Variants in PCDHA2 observed in about 807,000 individuals in gnomAD.
PCDHA2 encodes protocadherin alpha-2.
Under a neutral mutation model 66.0 loss-of-function variants are expected in PCDHA2, and 58 were observed. The observed-to-expected ratio is 0.88, with a 90% CI of 0.71 to 1.09. The LOEUF (loss-of-function observed/expected upper bound fraction) is 1.09. Among genes scored for constraint, PCDHA2 ranks in the 50% least tolerant of loss-of-function variants. PCDHA2 has a pLI of 0.00. For synonymous variants in PCDHA2, 634 were observed against 554.0 expected, an observed-to-expected ratio of 1.14 and a Z score of -2.03; for missense variants, 1,267 against 1,242.3, an observed-to-expected ratio of 1.02 and a Z score of -0.30.
At chr5:141,003,668 A>G (rs1353003376) in intron 3 of PCDHA2, among the ~76,000 whole-genome samples, 1 of 152,196 alleles carries the variant, frequency 6.6e-6, no homozygotes, top group Non-Finnish European at 1.5e-5. Context: ...ATTAAAATAT[A>G]TGTTGTTCTG....
chr5:140,803,700 A>G, intron 1 of PCDHA2: 1 of 1,533,366 alleles, frequency 6.5e-7, no homozygotes. Context: ...TGTGATTCAT[A>G]ATTAGACTTT....
At chr5:140,860,133 G>GTATATATATGTATATATGTGTA (rs2046204026) in intron 1 of PCDHA2, 2 of 149,192 alleles carry the variant, frequency 1.3e-5, no homozygotes, top group African/African-American at 2.5e-5. Context: ...GTGTGTGTGT[G>GTATATATATGTATATATGTGTA]TATATATATG....
chr5:140,800,524 T>A (rs1762566328), intron 1 of PCDHA2, among the ~76,000 whole-genome samples: 1 of 152,230 alleles, frequency 6.6e-6, no homozygotes. Flanking sequence ...GTTTTGATGA[T>A]CATAAATCTG....
At position 140,828,273 on chromosome 5, in the gene PCDHA2, C is replaced by T. The variant is rs2150153408; in HGVS notation, c.2388+30921C>T. ...GGGCTGGAGCTGGCGGAGCTGGTGC[C>T]GCGCCTGTTCAGGATGGCCTCCAAA... On this transcript the variant is annotated intron_variant, in intron 1 of 3. Transcript: ENST00000526136. The T allele has an allele frequency of 1.2e-5, 19 of 1,614,048 alleles. No individual in the cohort carries two copies. The highest frequency in any genetic ancestry group is 1.7e-5 in the Admixed American group (1 of 60,030).
At chr5:140,922,144 A>C (rs906517842) in intron 1 of PCDHA2, among the ~76,000 whole-genome samples, 5 of 151,922 alleles carry the variant, frequency 3.3e-5, no homozygotes, top group African/African-American at 1.2e-4. Flanking sequence ...TCCTCCATGA[A>C]ACTCATCAAA....
At chr5:140,841,710 C>T (rs574481490) in intron 1 of PCDHA2, 1 of 1,613,856 alleles carries the variant, frequency 6.2e-7, no homozygotes, top group South Asian at 1.1e-5. Context: ...AATGACAACC[C>T]GCCAGTGTTC....
chr5:140,805,031 A>G, intron 1 of PCDHA2: 1 of 1,582,450 alleles, frequency 6.3e-7, no homozygotes, highest in Non-Finnish European at 8.5e-7. Context: ...TGAATATAAT[A>G]GAGTCAGCCA....
chr5:140,848,637 A>G, intron 1 of PCDHA2: 1 of 1,593,240 alleles, frequency 6.3e-7, no homozygotes, highest in Non-Finnish European at 8.6e-7. Context: ...CGTGGGCCGC[A>G]TCGCGCAGGA....
chr5:140,830,476 TG>T (rs2150187075), intron 1 of PCDHA2: 1 of 1,551,430 alleles, frequency 6.4e-7, no homozygotes, highest in South Asian at 1.2e-5. Context: ...ATGAAGATCA[TG>T]ATGCCAAAGT....
intron 1 of PCDHA2, among the ~76,000 whole-genome samples, chr5:140,888,860 A>C (rs1349587487): frequency 6.6e-6 from 1 of 152,086 alleles, no homozygotes; most frequent in Non-Finnish European, 1.5e-5. Flanking sequence ...GAGTGAGACC[A>C]TGTCTCAACA....
chr5:140,903,513 T>C (rs2070347965), intron 1 of PCDHA2, among the ~76,000 whole-genome samples: 2 of 152,216 alleles, frequency 1.3e-5, no homozygotes, highest in South Asian at 2.1e-4. Flanking sequence ...AATAGTTCTA[T>C]TGTGTTGTTC....
intron 1 of PCDHA2, among the ~76,000 whole-genome samples, chr5:140,962,255 A>G (rs991096495): frequency 2.0e-5 from 3 of 152,204 alleles, no homozygotes; most frequent in African/African-American, 7.2e-5. Flanking sequence ...TCAATGAAAA[A>G]TAATTTTATA....
At chr5:140,798,567 A>G (rs1219225720) in intron 1 of PCDHA2, among the ~76,000 whole-genome samples, 1 of 152,160 alleles carries the variant, frequency 6.6e-6, no homozygotes, top group Non-Finnish European at 1.5e-5. Context: ...CAGGCCTCCC[A>G]CTGCAGAGAT....
chr5:140,842,994 A>G lies in PCDHA2; in HGVS notation c.2388+45642A>G, dbSNP rs1409771801. 3.8e-6 allele frequency: 6 copies of G among 1,595,048 alleles called. 1 individual carries two copies. The Admixed American group carries it at 1.0e-4, about 27-fold the overall frequency. ...ACGCTGCAGGTGTTCGTGCTGGACGAGAATGACAACGCGCCGGCACTGCTG... is the reference window on the plus strand; with the variant it reads ...ACGCTGCAGGTGTTCGTGCTGGACGGGAATGACAACGCGCCGGCACTGCTG... On this transcript the variant is annotated intron_variant, in intron 1 of 3. Coordinates refer to ENST00000526136, the MANE Select transcript of PCDHA2 (RefSeq NM_018905.3).
chr5:141,011,104 C>A lies in PCDHA2; in HGVS notation c.*1167C>A, dbSNP rs1396728499. On this transcript the variant is annotated 3_prime_UTR_variant, in exon 4 of 4. Transcript: ENST00000526136. ...GATCTCTCTTTCTCTCTCTCTCTCT[C>A]TTTTCTAAGAAACAATTATGTGCAC... is the stretch of plus-strand genomic sequence containing the variant. 6.5e-6 allele frequency: 1 copy of A among 153,726 alleles called. No individual in the cohort carries two copies. The highest frequency in any genetic ancestry group is 1.5e-5 in the Non-Finnish European group (1 of 68,028). The allele number at this position is 153,726 out of a possible 1,614,324, so 9.5% of individuals were successfully genotyped here. A position where few individuals can be genotyped will look rare whatever the true frequency, so the allele number is the denominator to read the frequency against.
chr5:140,980,834 C>A (rs1424222678), intron 2 of PCDHA2, among the ~76,000 whole-genome samples: 1 of 151,974 alleles, frequency 6.6e-6, no homozygotes, highest in Non-Finnish European at 1.5e-5. Context: ...AGTTGTGAAC[C>A]TAAATAATAC....
chr5:140,880,821 G>A (rs1054552020), intron 1 of PCDHA2, among the ~76,000 whole-genome samples: 4 of 152,206 alleles, frequency 2.6e-5, no homozygotes, highest in African/African-American at 7.2e-5. Flanking sequence ...AGAGTGTCTG[G>A]AAGGGCATAT....
At chr5:140,804,894 T>A (rs1172477675) in intron 1 of PCDHA2, 7 of 715,336 alleles carry the variant, frequency 9.8e-6, no homozygotes, top group Non-Finnish European at 1.3e-5. Flanking sequence ...CTCCTTCCCC[T>A]CACTTCCATT....
chr5:140,885,465 C>T (rs1363216895), intron 1 of PCDHA2, among the ~76,000 whole-genome samples: 1 of 152,144 alleles, frequency 6.6e-6, no homozygotes, highest in Non-Finnish European at 1.5e-5. Context: ...TAATGATGGG[C>T]AATCACTTTG....
Sources: allele counts gnomAD v4.1 joint callset (sites outside exome capture counted in the v4.1 genomes callset), GRCh38; gene constraint gnomAD v4.1.1; transcripts MANE v1.5; gene names NCBI Gene and HGNC (gene_info 2026-07-23, HGNC 2026-07-21).